Variants in DENR observed in about 807,000 individuals in gnomAD.
DENR encodes the protein density-regulated protein.
Under a neutral mutation model 30.6 loss-of-function variants are expected in DENR, and 6 were observed. That is an observed-to-expected ratio of 0.20 (90% CI 0.11 to 0.39). The LOEUF (loss-of-function observed/expected upper bound fraction) is 0.39. DENR is among the 10% of genes least tolerant of loss of function. The pLI is 1.00. For missense variants in DENR, 141 were observed against 230.9 expected, an observed-to-expected ratio of 0.61 and a Z score of 2.52; for synonymous variants, 78 against 72.1, an observed-to-expected ratio of 1.08 and a Z score of -0.41.
At chr12:122,768,739 A>G (rs1242086806) in intron 6 of DENR, 43 bp from the exon 7 acceptor site, 4 of 1,483,100 alleles carry the variant, frequency 2.7e-6, no homozygotes, top group Non-Finnish European at 3.6e-6. Context: ...TCTTTGCACA[A>G]TTCCAATTAC....
intron 5 of DENR, among the ~76,000 whole-genome samples, chr12:122,766,230 G>C (rs1383762459): frequency 6.6e-6 from 1 of 152,086 alleles, no homozygotes; most frequent in Admixed American, 6.6e-5. Flanking sequence ...CTTCCGATAA[G>C]GGTCAGCAGT....
chr12:122,765,435 C>T lies in DENR; in HGVS notation c.295+48C>T, dbSNP rs1357033995. 1.4e-5 allele frequency: 20 copies of T among 1,452,970 alleles called. No individual in the cohort carries two copies. In the Middle Eastern group the frequency reaches 5.2e-4, roughly 38 times the overall value. 90.0% of individuals were successfully genotyped at this position (1,452,970 alleles called of 1,614,324 possible). A position where few individuals can be genotyped will look rare whatever the true frequency, so the allele number is the denominator to read the frequency against. Reference sequence around the variant, plus strand: ...GATTTGTACAGTCATACCGTCACTGCGATAGAAAATGTAAGTAATTAAAAT... The same window carrying T: ...GATTTGTACAGTCATACCGTCACTGTGATAGAAAATGTAAGTAATTAAAAT... On this transcript the variant is annotated intron_variant, in intron 5 of 7. Coordinates refer to ENST00000280557, the MANE Select transcript of DENR (RefSeq NM_003677.5).
rs1282928618 is a variant in DENR, at chr12:122,770,088, T to G, written c.*1010T>G. 6.6e-6 allele frequency: 1 copy of G among 152,658 alleles called. No individual in the cohort carries two copies. Among genetic ancestry groups the G allele is most frequent in the Non-Finnish European group, 1.5e-5 (1 of 68,060 alleles). 9.5% of individuals were successfully genotyped at this position (152,658 alleles called of 1,614,324 possible). A position where few individuals can be genotyped will look rare whatever the true frequency, so the allele number is the denominator to read the frequency against. On this transcript the variant is annotated 3_prime_UTR_variant, in exon 8 of 8. Transcript: ENST00000280557. ...TGTTGGTAGGAGTTGTTTGAGCTAT[T>G]CTGGAGATTATTTGGTAAAGTATAC...
chr12:122,760,016 T>C (rs1253286976), intron 2 of DENR, among the ~76,000 whole-genome samples: 2 of 152,224 alleles, frequency 1.3e-5, no homozygotes, highest in African/African-American at 4.8e-5. Flanking sequence ...TTAACTCTTT[T>C]AGTGCCCCAT....
chr12:122,754,194 A>G (rs1466143286), intron 2 of DENR: 4 of 236,594 alleles, frequency 1.7e-5, no homozygotes, highest in East Asian at 1.9e-4. Context: ...TATGTAAGAA[A>G]AAGCTTGATG....
At chr12:122,768,985 TC>T in intron 7 of DENR, 48 bp from the exon 8 acceptor site, 1 of 1,608,494 alleles carries the variant, frequency 6.2e-7, no homozygotes, top group African/African-American at 1.3e-5. Context: ...TTCCATTTTT[TC>T]TTAATTGCAA....
chr12:122,770,551 G>A lies in DENR; in HGVS notation c.*1473G>A, dbSNP rs1447014217. 4 of 398,028 alleles carry A rather than the reference G, an allele frequency of 1.0e-5. No homozygotes were observed. The highest frequency in any genetic ancestry group is 1.8e-5 in the Non-Finnish European group (4 of 225,916). The allele number at this position is 398,028 out of a possible 1,614,324, so 24.7% of individuals were successfully genotyped here. ...ACACCCATGCTCAATATATAGTCCT[G>A]GAAATAGCAATTGAAACATGTCTTC... is the stretch of plus-strand genomic sequence containing the variant. On this transcript the variant is annotated 3_prime_UTR_variant, in exon 8 of 8. Coordinates refer to ENST00000280557, the MANE Select transcript of DENR (RefSeq NM_003677.5).
At chr12:122,753,249 C>T (rs1878460199) in intron 1 of DENR, among the ~76,000 whole-genome samples, 1 of 152,024 alleles carries the variant, frequency 6.6e-6, no homozygotes, top group African/African-American at 2.4e-5. Flanking sequence ...TTAGTTGCCC[C>T]CACACCCTGC....
chr12:122,762,426 T>C (rs537944730), intron 3 of DENR, among the ~76,000 whole-genome samples: 54 of 152,356 alleles, frequency 3.5e-4, no homozygotes, highest in African/African-American at 1.2e-3. Flanking sequence ...CACATGGCTG[T>C]GCAGTTTGGA....
At chr12:122,763,503 C>G (rs1259003744) in intron 4 of DENR, among the ~76,000 whole-genome samples, 6 of 151,982 alleles carry the variant, frequency 3.9e-5, no homozygotes, top group Non-Finnish European at 8.8e-5. Flanking sequence ...GTCGGGAGTT[C>G]AAGACCAGCC....
At chr12:122,768,711 T>C in intron 6 of DENR, 71 bp from the exon 7 acceptor site, 2 of 1,369,396 alleles carry the variant, frequency 1.5e-6, no homozygotes, top group East Asian at 5.1e-5. Flanking sequence ...GCAGATTAAA[T>C]TTCAAAATGG....
intron 2 of DENR, among the ~76,000 whole-genome samples, chr12:122,759,352 A>G (rs1192856276): frequency 1.3e-5 from 2 of 152,198 alleles, no homozygotes; most frequent in African/African-American, 4.8e-5. Flanking sequence ...GTAAAGAGAA[A>G]TTGACTTTTT....
At chr12:122,756,027 A>G (rs1406911509) in intron 2 of DENR, among the ~76,000 whole-genome samples, 1 of 152,214 alleles carries the variant, frequency 6.6e-6, no homozygotes, top group Non-Finnish European at 1.5e-5. Context: ...AAGACTATAA[A>G]CAATTTTTAC....
Position 122,753,732 on chromosome 12 carries a change from G to C in DENR, c.31G>C (p.Ala11Pro), listed in dbSNP as rs1382353815. 1 of 1,613,912 alleles carries C rather than the reference G, an allele frequency of 6.2e-7. No individual in the cohort carries two copies. The highest frequency in any genetic ancestry group is 8.5e-7 in the Non-Finnish European group (1 of 1,179,900). Reference sequence around the variant, plus strand: ...TGCTGACATTTCTGAATCCAGCGGGGCTGACTGCAAAGGAGACCCAAGGAA... The same window carrying C: ...TGCTGACATTTCTGAATCCAGCGGGCCTGACTGCAAAGGAGACCCAAGGAA... MAADISESSG[A>P]DCKGDPRNSA... Residue 11 changes from alanine to proline, a missense_variant, in exon 2 of 8, where the codon GCT (alanine) becomes CCT (proline). By Grantham distance (27) the Ala-to-Pro change is conservative. This residue lies in a region of DENR where 104 missense variants were observed against 138.3 expected (regional missense o/e 0.75). Coordinates refer to ENST00000280557, the MANE Select transcript of DENR (RefSeq NM_003677.5).
intron 2 of DENR, chr12:122,754,251 T>C (rs1389653217): frequency 1.6e-5 from 3 of 190,832 alleles, no homozygotes; most frequent in Non-Finnish European, 3.4e-5. Flanking sequence ...TGGTGTATCG[T>C]ATAGGGAGGG....
rs2154 is a variant in DENR, at chr12:122,769,991, A to G, written c.*913A>G. The G allele has an allele frequency of 0.077, 11,780 of 152,694 alleles. 673 individuals are homozygous for G. The highest frequency in any genetic ancestry group is 0.14 in the Middle Eastern group (40 of 294). 9.5% of individuals were successfully genotyped at this position (152,694 alleles called of 1,614,324 possible). On this transcript the variant is annotated 3_prime_UTR_variant, in exon 8 of 8. Coordinates refer to ENST00000280557, the MANE Select transcript of DENR (RefSeq NM_003677.5). ...TGATGTGATAGTTTTGAGATGGGTG[A>G]GAATCTAATAGATCTGTGGTTGAAT...
chr12:122,764,372 G>T (rs1478279140), intron 4 of DENR, among the ~76,000 whole-genome samples: 1 of 152,188 alleles, frequency 6.6e-6, no homozygotes, highest in Non-Finnish European at 1.5e-5. Context: ...GGCCGAGGCA[G>T]GCGGATCACA....
At chr12:122,762,241 T>C (rs761386196) in intron 3 of DENR, 35 bp downstream of exon 3, 15 of 1,324,796 alleles carry the variant, frequency 1.1e-5, no homozygotes, top group Non-Finnish European at 1.6e-5. Context: ...ACCTTATGTA[T>C]TTGAAGTTAT....
chr12:122,758,300 G>C (rs1363648441), intron 2 of DENR, among the ~76,000 whole-genome samples: 1 of 152,154 alleles, frequency 6.6e-6, no homozygotes, highest in Non-Finnish European at 1.5e-5. Context: ...TTGAACTCCT[G>C]ACCTTGTGAT....
Sources: allele counts gnomAD v4.1 joint callset (sites outside exome capture counted in the v4.1 genomes callset), GRCh38; gene constraint gnomAD v4.1.1; regional missense constraint gnomAD v4.1.1; transcripts MANE v1.5; gene names NCBI Gene and HGNC (gene_info 2026-07-23, HGNC 2026-07-21).